GABRQ: variants seen among roughly 807,000 people sequenced by gnomAD.
GABRQ encodes the protein gamma-aminobutyric acid receptor subunit theta.
A neutral mutation model predicts 30.5 loss-of-function variants in GABRQ; 19 were observed. That is an observed-to-expected ratio of 0.62 (90% CI 0.43 to 0.91). GABRQ has a LOEUF of 0.91. GABRQ is among the 40% of genes least tolerant of loss of function. The probability of loss-of-function intolerance (pLI) is 0.00; values close to 1 mark genes in which losing one functional copy is unlikely to be tolerated. For missense variants in GABRQ, 520 were observed against 521.4 expected, an observed-to-expected ratio of 1.00 and a Z score of 0.03; for synonymous variants, 187 against 210.2, an observed-to-expected ratio of 0.89 and a Z score of 0.95.
Position 152,651,665 on chromosome X carries a change from C to T in GABRQ, c.1041C>T (p.Val347=). 8.3e-7 allele frequency: 1 copy of T among 1,210,574 alleles called. No homozygotes were observed. Among genetic ancestry groups the T allele is most frequent in the Non-Finnish European group, 1.1e-6 (1 of 894,191 alleles). Reference sequence around the variant, plus strand: ...TGTTCCTGTCCTTGCTGGAGTATGTCTACATCAACTATCTTTTCTACAGTC... The same window carrying T: ...TGTTCCTGTCCTTGCTGGAGTATGTTTACATCAACTATCTTTTCTACAGTC... ...FFVFLSLLEY[V]YINYLFYSRG... is the part of the protein sequence containing the mutation. The change falls in exon 8 of 9, where the codon GTC becomes GTT. Residue 347 remains valine (V), a synonymous_variant. Transcript: ENST00000598523.
At chrX:152,639,283 G>C (rs782144106) in intron 1 of GABRQ, among the ~76,000 whole-genome samples, 1 of 107,792 alleles carries the variant, frequency 9.3e-6, no homozygotes, top group Non-Finnish European at 1.9e-5. Context: ...CATAAAGGGG[G>C]GGGGGGTGTT....
intron 2 of GABRQ, among the ~76,000 whole-genome samples, chrX:152,643,258 AGGCCT>A (rs1556818654): frequency 8.9e-6 from 1 of 112,361 alleles, no homozygotes; most frequent in African/African-American, 3.2e-5. Flanking sequence ...TCTTCACAAC[AGGCCT>A]GGATGCTGGA....
chrX:152,646,448 A>T (rs1930888758), intron 3 of GABRQ, among the ~76,000 whole-genome samples: 1 of 112,604 alleles, frequency 8.9e-6, no homozygotes, highest in South Asian at 3.7e-4. Flanking sequence ...ATTATCCAGA[A>T]AAGCAAGTGA....
At position 152,652,850 on chromosome X, in the gene GABRQ, G is replaced by A. The variant is rs781947829; in HGVS notation, c.1468G>A (p.Gly490Ser). ...TEIRNRVEAH[G>S]HGVTHDHEDS... ...AATCCGCAACCGTGTCGAAGCCCATGGCCATGGTGTTACCCATGACCATGA... is the reference window on the plus strand; with the variant it reads ...AATCCGCAACCGTGTCGAAGCCCATAGCCATGGTGTTACCCATGACCATGA... Residue 490 changes from glycine (G) to serine (S), a missense_variant, in exon 9 of 9, where the codon GGC becomes AGC. Physicochemically the swap from Gly to Ser is moderately conservative, Grantham distance 56 (BLOSUM62 0). Coordinates refer to ENST00000598523, the MANE Select transcript of GABRQ (RefSeq NM_018558.4). 1.2e-5 allele frequency: 15 copies of A among 1,208,944 alleles called. No individual in the cohort carries two copies. The East Asian group carries it at 4.4e-4, about 36-fold the overall frequency.
chrX:152,649,413 A>T (rs1930963310), intron 5 of GABRQ, 80 bp downstream of exon 5: 1 of 602,895 alleles, frequency 1.7e-6, no homozygotes, highest in Admixed American at 2.3e-5. Context: ...TTGACAGTAA[A>T]AGGGCCAGTG....
intron 1 of GABRQ, among the ~76,000 whole-genome samples, chrX:152,638,568 C>T (rs1930670855): frequency 8.9e-6 from 1 of 111,999 alleles, no homozygotes; most frequent in Non-Finnish European, 1.9e-5. Context: ...CTTCCGCCCA[C>T]CTGTTACTGC....
intron 4 of GABRQ, among the ~76,000 whole-genome samples, 188 bp from the exon 5 acceptor site, chrX:152,649,063 G>A (rs1268241722): frequency 1.8e-5 from 2 of 112,343 alleles, no homozygotes; most frequent in Non-Finnish European, 3.8e-5. Context: ...GGTGCCATAC[G>A]TGTGTTCTCT....
At chrX:152,646,686 G>GAAAT (rs1284214769) in intron 3 of GABRQ, among the ~76,000 whole-genome samples, 1 of 112,115 alleles carries the variant, frequency 8.9e-6, no homozygotes, top group African/African-American at 3.2e-5. Context: ...GGGTGTGAGG[G>GAAAT]AAATATATTC....
chrX:152,646,259 A>G (rs1168483120), intron 3 of GABRQ, among the ~76,000 whole-genome samples: 1 of 112,109 alleles, frequency 8.9e-6, no homozygotes, highest in Non-Finnish European at 1.9e-5. Context: ...CCAAATTAGC[A>G]AAAGTCCAAA....
chrX:152,640,267 A>G (rs191440282), intron 1 of GABRQ, 111 bp from the exon 2 acceptor site: 9 of 546,710 alleles, frequency 1.6e-5, no homozygotes, highest in East Asian at 3.3e-5. Context: ...GTGTACACGT[A>G]TGACTGGACA....
At chrX:152,641,352 C>A (rs1463383294) in intron 2 of GABRQ, among the ~76,000 whole-genome samples, 3 of 112,842 alleles carry the variant, frequency 2.7e-5, no homozygotes, top group African/African-American at 9.7e-5. Flanking sequence ...AGTTACATTC[C>A]AGCTCAAAGG....
intron 7 of GABRQ, among the ~76,000 whole-genome samples, chrX:152,650,819 C>T (rs1321092240): frequency 9.0e-6 from 1 of 111,053 alleles, no homozygotes; most frequent in Non-Finnish European, 1.9e-5. Context: ...CGTTGAGCCC[C>T]GAGTACCAGA....
Position 152,656,399 on chromosome X carries a change from T to G in GABRQ, c.*3118T>G, listed in dbSNP as rs146848718. On this transcript the variant is annotated 3_prime_UTR_variant, in exon 9 of 9. Transcript: ENST00000598523. ...TTCTACCCACCTTCCATTTCTTTCC[T>G]TCCCATCGACTTCCCCGACCCAGGA... The G allele has an allele frequency of 0.11, 12,324 of 111,499 alleles. 621 individuals carry two copies. The highest frequency in any genetic ancestry group is 0.16 in the Non-Finnish European group (8,372 of 52,986). 9.2% of individuals were successfully genotyped at this position (111,499 alleles called of 1,213,427 possible).
chrX:152,638,375 G>A (rs1602810949), intron 1 of GABRQ, 24 bp downstream of exon 1: 1 of 1,200,694 alleles, frequency 8.3e-7, no homozygotes. Context: ...GCCAGGCTAG[G>A]CACGGCGGGG....
Position 152,647,031 on chromosome X carries a change from G to T in GABRQ, c.390G>T (p.Leu130=). Residue 130 remains leucine (L), a synonymous_variant, in exon 4 of 9, where the codon CTG becomes CTT. Transcript: ENST00000598523. ...ATGAGACCACCCTGAACTTGACCCT[G>T]GACTATCGGATGCATGAGAAGTTGT... ...AYYETTLNLT[L]DYRMHEKLWV... is the part of the protein sequence containing the mutation. 1 of 1,203,484 alleles carries T rather than the reference G, an allele frequency of 8.3e-7. No homozygotes were observed. Among genetic ancestry groups the T allele is most frequent in the Non-Finnish European group, 1.1e-6 (1 of 888,074 alleles).
At position 152,638,371 on chromosome X, in the gene GABRQ, C is replaced by T; in HGVS notation, c.149+20C>T. ...CAACTGGTAAGCGGGCACCGCCAGG[C>T]TAGGCACGGCGGGGACGGGAATGGA... On this transcript the variant is annotated intron_variant, in intron 1 of 8. Coordinates refer to ENST00000598523, the MANE Select transcript of GABRQ (RefSeq NM_018558.4). The T allele has an allele frequency of 8.3e-7, 1 of 1,203,466 alleles. No individual in the cohort carries two copies. Among genetic ancestry groups the T allele is most frequent in the Non-Finnish European group, 1.1e-6 (1 of 888,521 alleles).
At chrX:152,649,124 C>A in intron 4 of GABRQ, 127 bp from the exon 5 acceptor site, 1 of 504,580 alleles carries the variant, frequency 2.0e-6, no homozygotes. Context: ...CAAATTTCCT[C>A]TCTCCTCTCT....
intron 6 of GABRQ, 150 bp from the exon 7 acceptor site, chrX:152,650,278 T>C: frequency 2.0e-6 from 1 of 501,351 alleles, no homozygotes; most frequent in South Asian, 3.0e-5. Flanking sequence ...ACTGATCTGC[T>C]AGTGCAGTCT....
chrX:152,648,435 G>C (rs1930940989), intron 4 of GABRQ, among the ~76,000 whole-genome samples: 1 of 108,168 alleles, frequency 9.2e-6, no homozygotes, highest in Admixed American at 9.8e-5. Flanking sequence ...CACAATGTCG[G>C]CTCACTGCAA....
Sources: allele counts gnomAD v4.1 joint callset (sites outside exome capture counted in the v4.1 genomes callset), GRCh38; gene constraint gnomAD v4.1.1; transcripts MANE v1.5; gene names NCBI Gene and HGNC (gene_info 2026-07-23, HGNC 2026-07-21).